Variants in DEPTOR observed in about 807,000 individuals in gnomAD.
The protein encoded by DEPTOR is DEP domain containing MTOR interacting protein.
DEPTOR carries 41 observed loss-of-function variants against 41.6 expected under a neutral mutation model. The observed-to-expected ratio is 0.98, with a 90% CI of 0.77 to 1.28. The LOEUF is 1.28. DEPTOR is among the 50% of genes most tolerant of loss of function. The pLI is 0.00. For missense variants in DEPTOR, 514 were observed against 527.9 expected, an observed-to-expected ratio of 0.97 and a Z score of 0.26; for synonymous variants, 195 against 192.3, an observed-to-expected ratio of 1.01 and a Z score of -0.12.
intron 8 of DEPTOR, among the ~76,000 whole-genome samples, chr8:120,042,350 G>A (rs964968711): frequency 6.6e-6 from 1 of 152,092 alleles, no homozygotes; most frequent in African/African-American, 2.4e-5. Flanking sequence ...TACCATAGAT[G>A]TTAAATGAAA....
At chr8:120,031,355 C>T (rs1411123450) in intron 8 of DEPTOR, among the ~76,000 whole-genome samples, 2 of 152,048 alleles carry the variant, frequency 1.3e-5, no homozygotes, top group African/African-American at 4.8e-5. Context: ...ATCCCAGCTA[C>T]TTGAGAAGCT....
Position 119,873,908 on chromosome 8 carries a change from G to C in DEPTOR, c.62G>C (p.Gly21Ala). 6.2e-7 allele frequency: 1 copy of C among 1,613,830 alleles called. No individual in the cohort carries two copies. The highest frequency in any genetic ancestry group is 1.1e-5 in the South Asian group (1 of 91,076). The change falls in exon 1 of 9, where the codon GGG becomes GCG. Residue 21 changes from glycine (G) to alanine (A), a missense_variant. Transcript: ENST00000286234. ...GSDSSTSGSGGAQQRELERMA... is the reference protein window; with the variant it reads ...GSDSSTSGSGAAQQRELERMA... ...GACAGCAGCACCAGCGGGAGTGGCG[G>C]GGCGCAGCAAAGGGAGCTGGAGCGC...
At chr8:119,965,880 A>C (rs537667885) in intron 4 of DEPTOR, among the ~76,000 whole-genome samples, 2 of 152,340 alleles carry the variant, frequency 1.3e-5, no homozygotes, top group African/African-American at 4.8e-5. Flanking sequence ...AAGAGCCTTC[A>C]TAAAAGTATC....
At chr8:120,025,791 A>G (rs1812787873) in intron 8 of DEPTOR, among the ~76,000 whole-genome samples, 1 of 151,466 alleles carries the variant, frequency 6.6e-6, no homozygotes, top group African/African-American at 2.4e-5. Context: ...CACCCTTATC[A>G]TCCATTCCCC....
chr8:119,965,023 A>C (rs895753215), intron 3 of DEPTOR, among the ~76,000 whole-genome samples: 1 of 152,124 alleles, frequency 6.6e-6, no homozygotes, highest in South Asian at 2.1e-4. Context: ...CAGTGAGCCA[A>C]GATCACGCCA....
chr8:120,021,873 C>G (rs7822000), intron 8 of DEPTOR, among the ~76,000 whole-genome samples: 129,226 of 152,062 alleles, frequency 0.85, 55,310 homozygotes, highest in African/African-American at 0.96. Context: ...GGCTGGGTGT[C>G]GTGGCTCAAA....
intron 3 of DEPTOR, among the ~76,000 whole-genome samples, chr8:119,956,713 A>G (rs1586631901): frequency 1.5e-5 from 2 of 132,270 alleles, no homozygotes; most frequent in Non-Finnish European, 3.3e-5. Context: ...TTTTTTTAAG[A>G]GACAGGGTTT....
chr8:119,950,049 C>A (rs968048719), intron 3 of DEPTOR, among the ~76,000 whole-genome samples: 14 of 152,094 alleles, frequency 9.2e-5, no homozygotes, highest in Non-Finnish European at 1.6e-4. Flanking sequence ...CTTATTTTTT[C>A]TGTGTAGTAT....
At position 120,036,315 on chromosome 8, in the gene DEPTOR, G is replaced by A. The variant is rs193118095; in HGVS notation, c.1102-13261G>A. ...GTGAAAGTTAGTCATTCTTATATATGGTTGGCTTTCTTTCAAGGTCAATTG... is the reference window on the plus strand; with the variant it reads ...GTGAAAGTTAGTCATTCTTATATATAGTTGGCTTTCTTTCAAGGTCAATTG... On this transcript the variant is annotated intron_variant, in intron 8 of 8. Coordinates refer to ENST00000286234, the MANE Select transcript of DEPTOR (RefSeq NM_022783.4). Among the ~76,000 whole-genome samples, 74 of 152,294 alleles carry A rather than the reference G, an allele frequency of 4.9e-4. 1 individual carries two copies. The highest frequency in any genetic ancestry group is 1.6e-3 in the African/African-American group (68 of 41,568).
chr8:120,009,159 T>C (rs1586656259), intron 8 of DEPTOR, 26 bp downstream of exon 8: 12 of 1,596,334 alleles, frequency 7.5e-6, no homozygotes, highest in East Asian at 4.5e-5. Context: ...TCTCACCCTC[T>C]TTTATATCTG....
rs1235947470 is a variant in DEPTOR, at chr8:119,974,183, G to T, written c.604+8773G>T. On this transcript the variant is annotated intron_variant, in intron 4 of 8. Transcript: ENST00000286234. ...GGAAGCTGAGTGGGGAGGATTGCTT[G>T]AGGACAGGAGTTCGGGACCAGCCTG... is the stretch of plus-strand genomic sequence containing the variant. 3.8e-5 allele frequency among the ~76,000 whole-genome samples: 5 copies of T among 132,624 alleles called. No homozygotes were observed. In the Admixed American group the frequency reaches 4.3e-4, roughly 11 times the overall value. The allele number at this position is 132,624 out of a possible 152,430, so 87.0% of individuals were successfully genotyped here.
intron 8 of DEPTOR, among the ~76,000 whole-genome samples, chr8:120,030,424 G>A (rs975540751): frequency 6.7e-6 from 1 of 148,198 alleles, no homozygotes; most frequent in Admixed American, 6.9e-5. Flanking sequence ...GCCATAGCAT[G>A]TGCGACACTA....
intron 4 of DEPTOR, among the ~76,000 whole-genome samples, chr8:119,966,547 C>G (rs951583666): frequency 6.6e-6 from 1 of 152,022 alleles, no homozygotes; most frequent in Non-Finnish European, 1.5e-5. Context: ...TGCAAAGGCA[C>G]CATCTCAGCT....
chr8:119,986,277 TC>T (rs1828829441), intron 4 of DEPTOR, among the ~76,000 whole-genome samples: 1 of 152,150 alleles, frequency 6.6e-6, no homozygotes, highest in Non-Finnish European at 1.5e-5. Context: ...TATTTCTCCT[TC>T]ACTTATAAGC....
At chr8:119,886,486 C>CAT (rs780445928) in intron 1 of DEPTOR, among the ~76,000 whole-genome samples, 1 of 150,992 alleles carries the variant, frequency 6.6e-6, no homozygotes, top group Non-Finnish European at 1.5e-5. Flanking sequence ...TACACATACA[C>CAT]ACACAGACAC....
chr8:120,006,986 T>C, intron 7 of DEPTOR, 111 bp downstream of exon 7: 1 of 1,099,396 alleles, frequency 9.1e-7, no homozygotes, highest in African/African-American at 1.6e-5. Flanking sequence ...TCTAATTTTC[T>C]TTTTGTTTTT....
At chr8:119,926,108 T>G (rs1254436830) in intron 1 of DEPTOR, among the ~76,000 whole-genome samples, 3 of 152,206 alleles carry the variant, frequency 2.0e-5, no homozygotes, top group Non-Finnish European at 4.4e-5. Flanking sequence ...TTTAAAAAAT[T>G]ATTTTCCTTA....
At chr8:119,874,295 CGCCAGGCCTCCCGGCTGACAGCCT>C in intron 1 of DEPTOR, 1 of 357,084 alleles carries the variant, frequency 2.8e-6, no homozygotes, top group East Asian at 7.1e-5. Context: ...ACCTGGACGC[CGCCAGGCCTCCCGGCTGACAGCCT>C]GCGCCTCATC....
intron 1 of DEPTOR, among the ~76,000 whole-genome samples, chr8:119,879,257 C>T (rs1236849203): frequency 2.6e-5 from 4 of 152,202 alleles, no homozygotes; most frequent in Admixed American, 6.5e-5. Flanking sequence ...TAAAATGGTA[C>T]AGCCCCTTTG....
Sources: gnomAD v4.1 joint callset for allele counts (sites outside exome capture counted in the v4.1 genomes callset) on GRCh38, gnomAD v4.1.1 for gene constraint, MANE v1.5 for transcripts, NCBI Gene and HGNC (gene_info 2026-07-23, HGNC 2026-07-21) for gene names.